The following SNTB1 variants were observed in gnomAD, a reference collection of about 807,000 sequenced individuals.
SNTB1 encodes syntrophin beta 1, also known as beta-1-syntrophin.
Under a neutral mutation model 48.9 loss-of-function variants are expected in SNTB1, and 36 were observed. That is an observed-to-expected ratio of 0.74 (90% confidence interval 0.56 to 0.97). The LOEUF is 0.97. Ranked by LOEUF, SNTB1 falls within the 50% of genes least tolerant of loss-of-function variation. The pLI is 0.00. For missense variants in SNTB1, 786 were observed against 703.4 expected (o/e 1.12, Z -1.33); for synonymous variants, 299 against 294.6 (o/e 1.01, Z -0.15).
At chr8:120,583,524 CACACACACA>C (rs1816083072) in intron 3 of SNTB1, among the ~76,000 whole-genome samples, 2 of 36,720 alleles carry the variant, frequency 5.4e-5, no homozygotes, top group Non-Finnish European at 2.0e-4. Context: ...AACACACACA[CACACACACA>C]CACACACACA....
In SNTB1 at chr8:120,632,510, C is replaced by T. The variant is rs756728903; in HGVS notation, c.930G>A (p.Glu310=). The T allele has an allele frequency of 4.3e-6, 7 of 1,614,172 alleles. No homozygotes were observed. The South Asian group carries it at 7.7e-5, about 18-fold the overall frequency. Residue 310 remains glutamate (E), a synonymous_variant, in exon 3 of 7, where the codon GAG becomes GAA. Coordinates refer to ENST00000517992, the MANE Select transcript of SNTB1 (RefSeq NM_021021.4). ...CAGCAATGCCTGTTTTCCCCAGCTG[C>T]TCTCTGACCTCAGCAATCACTCGGG... ...LLTRVIAEVR[E]QLGKTGIAGS... is the part of the protein sequence containing the mutation.
intron 6 of SNTB1, 48 bp from the exon 7 acceptor site, chr8:120,539,017 G>T (rs745538942): frequency 7.0e-7 from 1 of 1,418,754 alleles, no homozygotes; most frequent in Non-Finnish European, 9.7e-7. Flanking sequence ...ATTAATGCTT[G>T]ATGTAGATGG....
chr8:120,808,488 A>G (rs2130194262), intron 1 of SNTB1, among the ~76,000 whole-genome samples: 1 of 152,352 alleles, frequency 6.6e-6, no homozygotes, highest in East Asian at 1.9e-4. Context: ...CAGTAAAGGA[A>G]AAAGATAGAA....
intron 1 of SNTB1, among the ~76,000 whole-genome samples, chr8:120,703,432 C>T (rs1307075726): frequency 6.6e-6 from 1 of 152,100 alleles, no homozygotes; most frequent in East Asian, 1.9e-4. Flanking sequence ...GCCAGTTTCT[C>T]AGAGTTGTTC....
At chr8:120,610,541 T>TTTTG (rs372906528) in intron 3 of SNTB1, among the ~76,000 whole-genome samples, 2 of 152,042 alleles carry the variant, frequency 1.3e-5, no homozygotes, top group African/African-American at 4.8e-5. Flanking sequence ...GACTAAAGTT[T>TTTTG]TTTGTTTGTT....
intron 2 of SNTB1, among the ~76,000 whole-genome samples, chr8:120,666,765 T>C (rs1002371089): frequency 1.3e-5 from 2 of 152,202 alleles, no homozygotes; most frequent in Non-Finnish European, 1.5e-5. Context: ...TGATTCTCTG[T>C]TCATTTTTAA....
chr8:120,636,567 T>A (rs577316001), intron 2 of SNTB1, among the ~76,000 whole-genome samples: 2 of 146,606 alleles, frequency 1.4e-5, no homozygotes, highest in Non-Finnish European at 3.0e-5. Context: ...ACAAAGGACA[T>A]GAACTCATCA....
chr8:120,542,975 G>C (rs574975058), intron 5 of SNTB1, among the ~76,000 whole-genome samples: 1 of 152,244 alleles, frequency 6.6e-6, no homozygotes, highest in East Asian at 1.9e-4. Flanking sequence ...TCCATGAGGA[G>C]CACCCTGAGT....
chr8:120,631,180 T>A (rs538656279), intron 3 of SNTB1, among the ~76,000 whole-genome samples: 1 of 152,024 alleles, frequency 6.6e-6, no homozygotes, highest in African/African-American at 2.4e-5. Flanking sequence ...AAGTGGGGAG[T>A]GATAGAGACG....
At chr8:120,572,422 G>T (rs72680564) in intron 4 of SNTB1, among the ~76,000 whole-genome samples, 33,822 of 152,118 alleles carry the variant, frequency 0.22, 3,998 homozygotes, top group Middle Eastern at 0.3. Flanking sequence ...AGAAACAGGT[G>T]TAGAAGGAAT....
chr8:120,612,434 TTATTAAACAC>T (rs1816641073), intron 3 of SNTB1, among the ~76,000 whole-genome samples: 1 of 152,224 alleles, frequency 6.6e-6, no homozygotes, highest in Non-Finnish European at 1.5e-5. Context: ...ACAGTGGTGG[TTATTAAACAC>T]TGTTAGGCAT....
intron 1 of SNTB1, among the ~76,000 whole-genome samples, chr8:120,740,287 G>T (rs182861588): frequency 2.9e-4 from 44 of 152,286 alleles, no homozygotes; most frequent in Non-Finnish European, 5.1e-4. Flanking sequence ...GAAGCATCCA[G>T]GTTCAGATCC....
intron 2 of SNTB1, among the ~76,000 whole-genome samples, chr8:120,660,126 A>G (rs1246379356): frequency 2.0e-5 from 3 of 152,326 alleles, no homozygotes; most frequent in Non-Finnish European, 2.9e-5. Flanking sequence ...ATGGCAAATA[A>G]CCATTAGCTT....
chr8:120,656,474 G>T (rs1817505358), intron 2 of SNTB1, among the ~76,000 whole-genome samples: 1 of 152,116 alleles, frequency 6.6e-6, no homozygotes, highest in South Asian at 2.1e-4. Context: ...CAAAACTAAA[G>T]AAAATATTTT....
chr8:120,801,369 G>A (rs1463774927), intron 1 of SNTB1, among the ~76,000 whole-genome samples: 1 of 151,942 alleles, frequency 6.6e-6, no homozygotes, highest in Non-Finnish European at 1.5e-5. Flanking sequence ...TGGTCATTCT[G>A]TAAGTTCTGT....
chr8:120,571,936 A>G (rs1283499846), intron 4 of SNTB1, among the ~76,000 whole-genome samples: 1 of 151,790 alleles, frequency 6.6e-6, no homozygotes, highest in Non-Finnish European at 1.5e-5. Flanking sequence ...CTGGTTCCTC[A>G]CCCCTGAAAA....
chr8:120,590,715 C>T (rs56150218), intron 3 of SNTB1, among the ~76,000 whole-genome samples: 2,871 of 137,856 alleles, frequency 0.021, 96 homozygotes, highest in African/African-American at 0.076. Context: ...CAGAGTCGCT[C>T]TGTAGTCTAG....
In SNTB1 at chr8:120,693,390, G is replaced by A. The variant is rs542806091; in HGVS notation, c.788+302C>T. ...AGAGATGACAAAACTGAGGTTAAGC[G>A]GTTTAAGAAATGTGGCCTAAGTCAC... On this transcript the variant is annotated intron_variant, in intron 2 of 6. Coordinates refer to ENST00000517992, the MANE Select transcript of SNTB1 (RefSeq NM_021021.4). Among the ~76,000 whole-genome samples the A allele has an allele frequency of 1.6e-4, 24 of 152,222 alleles. No individual in the cohort carries two copies. In the South Asian group the frequency reaches 2.7e-3, roughly 17 times the overall value.
chr8:120,566,966 A>C (rs771417524), intron 4 of SNTB1, among the ~76,000 whole-genome samples: 1 of 152,190 alleles, frequency 6.6e-6, no homozygotes, highest in Admixed American at 6.5e-5. Context: ...CAATTCTAAG[A>C]GCCATGGAAA....
Sources: allele counts gnomAD v4.1 joint callset (sites outside exome capture counted in the v4.1 genomes callset), GRCh38; gene constraint gnomAD v4.1.1; transcripts MANE v1.5; gene names NCBI Gene and HGNC (gene_info 2026-07-23, HGNC 2026-07-21).